MKRN1: variants seen among roughly 807,000 people sequenced by gnomAD.
MKRN1 encodes E3 ubiquitin-protein ligase makorin-1.
In MKRN1, 9 loss-of-function variants were observed where a neutral mutation model predicts 55.5. The observed-to-expected ratio is 0.16, with a 90% CI of 0.10 to 0.28. The LOEUF (loss-of-function observed/expected upper bound fraction) is 0.28, where lower values mean the gene tolerates loss of function less well. Ranked by LOEUF, MKRN1 falls within the 10% of genes least tolerant of loss-of-function variation. MKRN1 has a pLI of 1.00. For missense variants in MKRN1, 488 were observed against 626.7 expected (o/e 0.78, Z 2.36); for synonymous variants, 253 against 235.9 (o/e 1.07, Z -0.66).
Position 140,454,079 on chromosome 7 carries a change from C to T in MKRN1, c.*438G>A. 2 of 202,594 alleles carry T rather than the reference C, an allele frequency of 9.9e-6. No homozygotes were observed. Among genetic ancestry groups the T allele is most frequent in the South Asian group, 9.0e-5 (1 of 11,070 alleles). 12.5% of individuals were successfully genotyped at this position (202,594 alleles called of 1,614,324 possible). ...TTTCACCAGAAACCTCAAGGATCCA[C>T]ATCCCATGTCTGGGGCAGAGGGCTA... On this transcript the variant is annotated 3_prime_UTR_variant, in exon 8 of 8. Coordinates refer to ENST00000255977, the MANE Select transcript of MKRN1 (RefSeq NM_013446.4).
At chr7:140,457,768 A>G (rs938734606) in intron 4 of MKRN1, among the ~76,000 whole-genome samples, 4 of 145,290 alleles carry the variant, frequency 2.8e-5, no homozygotes, top group African/African-American at 1.1e-4. Context: ...CATCATCACT[A>G]AACATGTCTT....
In MKRN1 at chr7:140,454,561, A is replaced by G; in HGVS notation, c.1405T>C (p.Leu469=). ...ELTDSEDEWD[L]FHDELEDFYD... is the part of the protein sequence containing the mutation. ...AAATCTTCCAGCTCATCATGAAACAAGTCCCACTCATCTTCAGAGTCTGTT... is the reference window on the plus strand; with the variant it reads ...AAATCTTCCAGCTCATCATGAAACAGGTCCCACTCATCTTCAGAGTCTGTT... Residue 469 remains leucine (L), a synonymous_variant, in exon 8 of 8, where the codon TTG becomes CTG. Transcript: ENST00000255977. The G allele has an allele frequency of 6.2e-7, 1 of 1,613,274 alleles. No homozygotes were observed. Among genetic ancestry groups the G allele is most frequent in the Non-Finnish European group, 8.5e-7 (1 of 1,179,872 alleles).
At chr7:140,468,309 A>C (rs1794827668) in intron 2 of MKRN1, among the ~76,000 whole-genome samples, 1 of 152,078 alleles carries the variant, frequency 6.6e-6, no homozygotes, top group South Asian at 2.1e-4. Context: ...TAGCCTCAAT[A>C]CCTGCAGAGA....
At chr7:140,478,973 G>C (rs934974111) in intron 1 of MKRN1, 187 bp downstream of exon 1, 7 of 661,760 alleles carry the variant, frequency 1.1e-5, no homozygotes, top group Non-Finnish European at 1.3e-5. Flanking sequence ...GCCCAGCGGG[G>C]GTTGACGCAG....
chr7:140,454,526 C>T lies in MKRN1; in HGVS notation c.1440G>A (p.Leu480=), dbSNP rs373618317. 15 of 1,611,638 alleles carry T rather than the reference C, an allele frequency of 9.3e-6. No individual in the cohort carries two copies. The highest frequency in any genetic ancestry group is 1.3e-5 in the African/African-American group (1 of 74,834). ...FHDELEDFYD[L]DL ...ACGCCACGCAAGGTTGCTATAGATC[C>T]AAGTCATAAAAATCTTCCAGCTCAT... The change falls in exon 8 of 8, where the codon TTG becomes TTA. Residue 480 remains leucine (L), a synonymous_variant. Coordinates refer to ENST00000255977, the MANE Select transcript of MKRN1 (RefSeq NM_013446.4).
Position 140,479,309 on chromosome 7 carries a change from T to C in MKRN1, c.36A>G (p.Thr12=), listed in dbSNP as rs1457135327. 7.5e-7 allele frequency: 1 copy of C among 1,336,876 alleles called. No homozygotes were observed. Among genetic ancestry groups the C allele is most frequent in the East Asian group, 3.1e-5 (1 of 32,394 alleles). The allele number at this position is 1,336,876 out of a possible 1,614,324, so 82.8% of individuals were successfully genotyped here. Residue 12 remains threonine, a synonymous_variant, in exon 1 of 8, where the codon ACA becomes ACG. Transcript: ENST00000255977. ...AEAATPGTTA[T]TSGAGAAAAT... ...CCGCTGCCGCTCCTGCTCCTGATGT[T>C]GTGGCTGTTGTTCCGGGAGTTGCAG...
At chr7:140,463,043 T>A (rs1358290780) in intron 2 of MKRN1, among the ~76,000 whole-genome samples, 2 of 151,930 alleles carry the variant, frequency 1.3e-5, no homozygotes, top group African/African-American at 4.8e-5. Flanking sequence ...GTGGATCACT[T>A]GAGGTCAGGA....
At chr7:140,463,710 CT>C (rs1563091003) in intron 2 of MKRN1, among the ~76,000 whole-genome samples, 1 of 151,932 alleles carries the variant, frequency 6.6e-6, no homozygotes, top group Non-Finnish European at 1.5e-5. Flanking sequence ...ACGGTGAAAC[CT>C]CGTCTCTACT....
chr7:140,460,037 T>C (rs1386097830), intron 2 of MKRN1, 101 bp from the exon 3 acceptor site: 22 of 1,045,458 alleles, frequency 2.1e-5, no homozygotes, highest in Admixed American at 1.2e-4. Flanking sequence ...ACCAGAGAGG[T>C]TGGGAGTTCG....
intron 2 of MKRN1, 49 bp downstream of exon 2, chr7:140,471,834 C>A: frequency 2.5e-6 from 4 of 1,596,320 alleles, no homozygotes; most frequent in East Asian, 2.2e-5. Flanking sequence ...ATGTCTTTTA[C>A]CTTTTTCCTC....
At chr7:140,455,718 G>T in intron 6 of MKRN1, 72 bp downstream of exon 6, 1 of 1,231,936 alleles carries the variant, frequency 8.1e-7, no homozygotes, top group Non-Finnish European at 1.2e-6. Flanking sequence ...GTATAATGCA[G>T]CACCATTCTT....
At position 140,479,303 on chromosome 7, in the gene MKRN1, TG is replaced by T; in HGVS notation, c.41del (p.Ser14Ter). ...CCGTCGCCGCTGCCGCTCCTGCTCCTGATGTTGTGGCTGTTGTTCCGGGAGT... is the reference window on the plus strand; with the variant it reads ...CCGTCGCCGCTGCCGCTCCTGCTCCTATGTTGTGGCTGTTGTTCCGGGAGT... ...AATPGTTATTSGAGAAAATAA... is the reference protein window; with the variant it reads ...AATPGTTATTXGAGAAAATAA... On this transcript the variant is annotated frameshift_variant, in exon 1 of 8. Coordinates refer to ENST00000255977, the MANE Select transcript of MKRN1 (RefSeq NM_013446.4). LOFTEE classifies it high-confidence loss of function. The T allele has an allele frequency of 7.4e-7, 1 of 1,355,416 alleles. No individual in the cohort carries two copies. Among genetic ancestry groups the T allele is most frequent in the South Asian group, 1.9e-5 (1 of 53,408 alleles). The allele number at this position is 1,355,416 out of a possible 1,614,324, so 84.0% of individuals were successfully genotyped here. A position where few individuals can be genotyped will look rare whatever the true frequency, so the allele number is the denominator to read the frequency against.
chr7:140,479,372 C>G lies in MKRN1; in HGVS notation c.-28G>C. On this transcript the variant is annotated 5_prime_UTR_variant, in exon 1 of 8. Transcript: ENST00000255977. Reference sequence around the variant, plus strand: ...CTGTTTATCCCACACAGCAAAGGCCCCGGAACTTCCGGGATCACATAGTTC... The same window carrying G: ...CTGTTTATCCCACACAGCAAAGGCCGCGGAACTTCCGGGATCACATAGTTC... 7.8e-7 allele frequency: 1 copy of G among 1,276,976 alleles called. No homozygotes were observed. Among genetic ancestry groups the G allele is most frequent in the Non-Finnish European group, 1.0e-6 (1 of 1,004,966 alleles). The allele number at this position is 1,276,976 out of a possible 1,614,324, so 79.1% of individuals were successfully genotyped here. A position where few individuals can be genotyped will look rare whatever the true frequency, so the allele number is the denominator to read the frequency against.
intron 6 of MKRN1, chr7:140,455,578 C>T (rs1794444711): frequency 3.5e-6 from 2 of 571,754 alleles, no homozygotes; most frequent in Non-Finnish European, 6.2e-6. Flanking sequence ...CAGTAGAGAC[C>T]TCTTTATAAC....
At chr7:140,466,597 G>A (rs1274192329) in intron 2 of MKRN1, among the ~76,000 whole-genome samples, 1 of 152,008 alleles carries the variant, frequency 6.6e-6, no homozygotes, top group African/African-American at 2.4e-5. Context: ...GAGGTCAGGA[G>A]ATCGAGACCA....
intron 1 of MKRN1, among the ~76,000 whole-genome samples, chr7:140,477,567 C>A (rs939393668): frequency 6.6e-5 from 10 of 152,176 alleles, no homozygotes; most frequent in Non-Finnish European, 1.5e-4. Flanking sequence ...CGTGATCCAC[C>A]TGCCTTGGCC....
At chr7:140,458,231 T>C (rs1053416684) in intron 4 of MKRN1, among the ~76,000 whole-genome samples, 7 of 152,130 alleles carry the variant, frequency 4.6e-5, no homozygotes, top group African/African-American at 7.2e-5. Flanking sequence ...GCCTTATTCA[T>C]AATAGCCAAA....
At chr7:140,476,471 CAAA>C (rs59392050) in intron 1 of MKRN1, among the ~76,000 whole-genome samples, 3 of 72,572 alleles carry the variant, frequency 4.1e-5, no homozygotes, top group African/African-American at 6.1e-5. Flanking sequence ...CACTCCATCT[CAAA>C]AAAAAAAAAA....
intron 2 of MKRN1, among the ~76,000 whole-genome samples, chr7:140,462,136 G>A (rs969001805): frequency 2.0e-5 from 3 of 151,866 alleles, no homozygotes; most frequent in Non-Finnish European, 4.4e-5. Context: ...CAAGCAATCC[G>A]TCTGCCTTAG....
Sources: allele counts gnomAD v4.1 joint callset (sites outside exome capture counted in the v4.1 genomes callset), GRCh38; gene constraint gnomAD v4.1.1; transcripts MANE v1.5; gene names NCBI Gene and HGNC (gene_info 2026-07-23, HGNC 2026-07-21).